RGS6: variants seen among roughly 807,000 people sequenced by gnomAD.
The protein encoded by RGS6 is regulator of G-protein signaling 6.
RGS6 carries 30 observed loss-of-function variants against 78.5 expected under a neutral mutation model. That is an observed-to-expected ratio of 0.38 (90% confidence interval 0.29 to 0.52). The LOEUF is 0.52. RGS6 is among the 20% of genes least tolerant of loss of function. RGS6 has a pLI of 0.85. For synonymous variants in RGS6, 206 were observed against 206.0 expected, an observed-to-expected ratio of 1.00 and a Z score of 0.00; for missense variants, 495 against 609.7, an observed-to-expected ratio of 0.81 and a Z score of 1.98.
chr14:72,231,785 G>A (rs2049681177), intron 2 of RGS6, among the ~76,000 whole-genome samples: 1 of 152,044 alleles, frequency 6.6e-6, no homozygotes. Context: ...AAAGAACATG[G>A]TGTGTGCAAA....
chr14:72,044,206 T>G (rs1478872637), intron 2 of RGS6, among the ~76,000 whole-genome samples: 1 of 152,226 alleles, frequency 6.6e-6, no homozygotes, highest in Admixed American at 6.5e-5. Context: ...TTCTTGCATA[T>G]TGTCTGCTTT....
chr14:72,148,754 A>G (rs549306778), intron 2 of RGS6, among the ~76,000 whole-genome samples: 1 of 152,334 alleles, frequency 6.6e-6, no homozygotes, highest in South Asian at 2.1e-4. Context: ...GAAAGCTGAG[A>G]TAAAACAAGA....
intron 2 of RGS6, among the ~76,000 whole-genome samples, chr14:71,971,459 T>A (rs560557251): frequency 6.6e-6 from 1 of 152,088 alleles, no homozygotes; most frequent in Non-Finnish European, 1.5e-5. Flanking sequence ...TGTCTACTCA[T>A]CCTTTTGGGC....
chr14:72,047,691 T>G (rs989680612), intron 2 of RGS6, among the ~76,000 whole-genome samples: 1 of 152,150 alleles, frequency 6.6e-6, no homozygotes, highest in African/African-American at 2.4e-5. Flanking sequence ...ATTTGACTTT[T>G]GCCTTCATAT....
intron 10 of RGS6, among the ~76,000 whole-genome samples, chr14:72,475,756 G>T (rs941221689): frequency 6.6e-6 from 1 of 151,448 alleles, no homozygotes; most frequent in African/African-American, 2.4e-5. Flanking sequence ...GAGTGGAGAT[G>T]TGTCCCCAAA....
At chr14:72,393,300 C>T (rs955575366) in intron 3 of RGS6, among the ~76,000 whole-genome samples, 6 of 152,170 alleles carry the variant, frequency 3.9e-5, no homozygotes, top group African/African-American at 1.4e-4. Context: ...GGTGATCAAG[C>T]AGCTCAATGG....
intron 2 of RGS6, among the ~76,000 whole-genome samples, chr14:72,175,363 G>A (rs1232361116): frequency 2.0e-5 from 3 of 152,186 alleles, no homozygotes; most frequent in Admixed American, 6.5e-5. Flanking sequence ...TGATACTAAC[G>A]TTTCATAGCC....
chr14:72,625,270 C>T, the RGS6 span, among the ~76,000 whole-genome samples: 1 of 152,032 alleles, frequency 6.6e-6, no homozygotes, highest in African/African-American at 2.4e-5. Context: ...CCTCTGTTTA[C>T]TTATTTATTC....
chr14:71,916,717 G>A, the RGS6 span, among the ~76,000 whole-genome samples: 1 of 152,182 alleles, frequency 6.6e-6, no homozygotes, highest in South Asian at 2.1e-4. Flanking sequence ...ACTTGGCAGG[G>A]TGGCCCATGA....
chr14:72,477,616 G>A (rs1305898540), intron 11 of RGS6, among the ~76,000 whole-genome samples: 1 of 151,904 alleles, frequency 6.6e-6, no homozygotes, highest in Non-Finnish European at 1.5e-5. Context: ...CCAATATGAT[G>A]AAACCCCATC....
rs184207883 is a variant in RGS6 at position 72,175,358 on chromosome 14, C to T, written c.85-176737C>T. 7.9e-5 allele frequency among the ~76,000 whole-genome samples: 12 copies of T among 152,336 alleles called. No homozygotes were observed. In the East Asian group the frequency reaches 1.2e-3, roughly 15 times the overall value. On this transcript the variant is annotated intron_variant, in intron 2 of 17. Coordinates refer to ENST00000553525, the MANE Select transcript of RGS6 (RefSeq NM_001204424.2). The stretch of plus-strand genomic sequence containing the variant: ...CTTTTAGAATGTTCAGTTAGTGATA[C>T]TAACGTTTCATAGCCTGTACCAATA...
At chr14:72,612,624 G>A in the RGS6 span, 1 of 518,880 alleles carries the variant, frequency 1.9e-6, no homozygotes, top group Non-Finnish European at 3.8e-6. Context: ...GAGAATCAGG[G>A]TCTCAGTGGG....
At chr14:71,896,871 G>A in the RGS6 span, among the ~76,000 whole-genome samples, 1 of 152,204 alleles carries the variant, frequency 6.6e-6, no homozygotes, top group Non-Finnish European at 1.5e-5. Context: ...TTACCATTGG[G>A]TAGGAGGCTT....
chr14:71,966,159 C>T (rs1268549737), intron 2 of RGS6, among the ~76,000 whole-genome samples: 1 of 152,104 alleles, frequency 6.6e-6, no homozygotes, highest in African/African-American at 2.4e-5. Context: ...AGTTAATGTT[C>T]ATTTCACTAA....
chr14:72,229,010 GTGC>G (rs1409173206), intron 2 of RGS6, among the ~76,000 whole-genome samples: 16 of 152,290 alleles, frequency 1.1e-4, no homozygotes, highest in African/African-American at 3.8e-4. Context: ...AGCTGAGATT[GTGC>G]CACTGCACTC....
intron 2 of RGS6, among the ~76,000 whole-genome samples, chr14:72,168,917 T>C (rs1353102230): frequency 6.6e-6 from 1 of 152,218 alleles, no homozygotes; most frequent in Non-Finnish European, 1.5e-5. Context: ...CACTCTGTCA[T>C]GGCTAAATGA....
At chr14:72,399,501 C>G (rs1012493938) in intron 3 of RGS6, among the ~76,000 whole-genome samples, 3 of 152,070 alleles carry the variant, frequency 2.0e-5, no homozygotes, top group Non-Finnish European at 4.4e-5. Context: ...CAGTCTGTGT[C>G]TTTTAATTAG....
At chr14:72,043,857 A>G (rs554135055) in intron 2 of RGS6, among the ~76,000 whole-genome samples, 1 of 152,142 alleles carries the variant, frequency 6.6e-6, no homozygotes, top group African/African-American at 2.4e-5. Context: ...AGTTACACAC[A>G]TGTCGCACCT....
At chr14:72,452,709 C>T (rs1049438979) in intron 3 of RGS6, among the ~76,000 whole-genome samples, 3 of 152,214 alleles carry the variant, frequency 2.0e-5, no homozygotes, top group African/African-American at 7.2e-5. Flanking sequence ...AATGTCTCCC[C>T]TTGCAGGCTG....
Sources: allele counts gnomAD v4.1 joint callset (sites outside exome capture counted in the v4.1 genomes callset), GRCh38; gene constraint gnomAD v4.1.1; transcripts MANE v1.5; gene names NCBI Gene and HGNC (gene_info 2026-07-23, HGNC 2026-07-21).